The following TAMM41 variants were observed in gnomAD, a reference collection of about 807,000 sequenced individuals.
TAMM41 encodes the protein phosphatidate cytidylyltransferase, mitochondrial.
A neutral mutation model predicts 44.1 loss-of-function variants in TAMM41; 36 were observed. The observed-to-expected ratio is 0.82, with a 90% CI of 0.63 to 1.08. The LOEUF is 1.08. Among genes scored for constraint, TAMM41 ranks in the 50% least tolerant of loss-of-function variants. The pLI, the probability that TAMM41 is intolerant of heterozygous loss-of-function variation, is 0.00. For missense variants in TAMM41, 417 were observed against 404.3 expected (o/e 1.03, Z -0.27); for synonymous variants, 164 against 153.1 (o/e 1.07, Z -0.53).
In TAMM41 at chr3:11,846,861, G is replaced by C. The variant is rs1429553078; in HGVS notation, c.-225C>G. The C allele has an allele frequency of 7.1e-6, 4 of 564,064 alleles. No homozygotes were observed. The Admixed American group carries it at 1.2e-4, about 18-fold the overall frequency. 34.9% of individuals were successfully genotyped at this position (564,064 alleles called of 1,614,324 possible). A position where few individuals can be genotyped will look rare whatever the true frequency, so the allele number is the denominator to read the frequency against. On this transcript the variant is annotated 5_prime_UTR_variant, in exon 1 of 8. Coordinates refer to ENST00000455809, the MANE Select transcript of TAMM41 (RefSeq NM_001284401.2). ...CAGCCCAGATAGGCTCGGGTGGGCGGCGGTCGCACAGGCAGAGCTTCCGTC... is the reference window on the plus strand; with the variant it reads ...CAGCCCAGATAGGCTCGGGTGGGCGCCGGTCGCACAGGCAGAGCTTCCGTC...
At chr3:11,786,213 C>A (rs887987080), downstream of TAMM41, among the ~76,000 whole-genome samples, 2 of 151,548 alleles carry the variant, frequency 1.3e-5, no homozygotes, top group Non-Finnish European at 2.9e-5. Context: ...TTTTTGTTTG[C>A]CAGCCCTCCC....
At chr3:11,756,404 G>A in the TAMM41 span, among the ~76,000 whole-genome samples, 2 of 152,248 alleles carry the variant, frequency 1.3e-5, no homozygotes, top group Non-Finnish European at 2.9e-5. Flanking sequence ...CTCTGTGCCT[G>A]ACCTTCACGA....
the TAMM41 span, among the ~76,000 whole-genome samples, chr3:11,759,136 G>T: frequency 1.0e-3 from 155 of 152,144 alleles, no homozygotes; most frequent in African/African-American, 3.4e-3. Flanking sequence ...GGAGATTAAA[G>T]AATATAATGG....
the TAMM41 span, among the ~76,000 whole-genome samples, chr3:11,774,019 G>C: frequency 6.6e-6 from 1 of 152,138 alleles, no homozygotes; most frequent in Non-Finnish European, 1.5e-5. Flanking sequence ...AACCAGGAAG[G>C]AGAGGTTGCA....
At chr3:11,739,869 C>T in the TAMM41 span, among the ~76,000 whole-genome samples, 5 of 152,048 alleles carry the variant, frequency 3.3e-5, no homozygotes, top group East Asian at 3.9e-4. Flanking sequence ...CTTCCAACAA[C>T]GCAGTCTCAG....
At chr3:11,833,214 C>T (rs561713106) in intron 3 of TAMM41, 23 of 1,233,962 alleles carry the variant, frequency 1.9e-5, no homozygotes, top group East Asian at 6.0e-5. Context: ...GGGAATGCCC[C>T]GACCTGAACT....
downstream of TAMM41, chr3:11,790,335 T>C (rs1317762628): frequency 3.0e-6 from 2 of 662,776 alleles, no homozygotes; most frequent in African/African-American, 3.6e-5. Context: ...TCTAATATAT[T>C]TGGGTCCCAA....
At chr3:11,757,945 A>G in the TAMM41 span, among the ~76,000 whole-genome samples, 1 of 152,178 alleles carries the variant, frequency 6.6e-6, no homozygotes, top group African/African-American at 2.4e-5. Context: ...CACTGAAGAA[A>G]CCAAGTTGTA....
the TAMM41 span, among the ~76,000 whole-genome samples, chr3:11,773,163 G>A: frequency 6.6e-6 from 1 of 151,884 alleles, no homozygotes; most frequent in African/African-American, 2.4e-5. Flanking sequence ...CACCATATGG[G>A]ACAGGCTGGT....
chr3:11,766,977 C>G, the TAMM41 span, among the ~76,000 whole-genome samples: 1 of 152,184 alleles, frequency 6.6e-6, no homozygotes, highest in Non-Finnish European at 1.5e-5. Context: ...CCAGTTCCCC[C>G]CACTGGTAAC....
intron 7 of TAMM41, among the ~76,000 whole-genome samples, chr3:11,805,176 T>A (rs917844944): frequency 8.5e-5 from 13 of 152,082 alleles, no homozygotes; most frequent in African/African-American, 2.7e-4. Flanking sequence ...TAATTTTTTG[T>A]ATTTTAGTAG....
chr3:11,751,088 A>AC, the TAMM41 span, among the ~76,000 whole-genome samples: 1 of 114,488 alleles, frequency 8.7e-6, no homozygotes, highest in Non-Finnish European at 1.8e-5. Flanking sequence ...TACAGATGAT[A>AC]CTTTTTTTTT....
chr3:11,816,534 C>T (rs559800021), intron 5 of TAMM41, among the ~76,000 whole-genome samples: 11 of 152,168 alleles, frequency 7.2e-5, no homozygotes, highest in East Asian at 1.9e-4. Context: ...GACGCTGGGG[C>T]GGGCAGACTG....
the TAMM41 span, among the ~76,000 whole-genome samples, chr3:11,731,874 G>T: frequency 7.6e-6 from 1 of 131,252 alleles, no homozygotes; most frequent in Non-Finnish European, 1.6e-5. Flanking sequence ...ATCTAATTAG[G>T]GCATTTTTTT....
In TAMM41 at chr3:11,790,456, A is replaced by T. The variant is rs1026968854; in HGVS notation, c.*49T>A. The T allele has an allele frequency of 2.0e-6, 3 of 1,497,664 alleles. No individual in the cohort carries two copies. Among genetic ancestry groups the T allele is most frequent in the Middle Eastern group, 1.7e-4 (1 of 5,728 alleles). The allele number at this position is 1,497,664 out of a possible 1,614,324, so 92.8% of individuals were successfully genotyped here. On this transcript the variant is annotated 3_prime_UTR_variant, in exon 8 of 8. Transcript: ENST00000455809. ...AACAAACACTGTTCTGTCAAAAAGG[A>T]TCAAACACTTTATTCATCTACACAT...
the TAMM41 span, among the ~76,000 whole-genome samples, chr3:11,727,213 G>T: frequency 6.6e-6 from 1 of 152,116 alleles, no homozygotes; most frequent in South Asian, 2.1e-4. Flanking sequence ...CTTGTCCAAG[G>T]TCTTAAAGAC....
the TAMM41 span, among the ~76,000 whole-genome samples, chr3:11,773,917 C>T: frequency 2.0e-5 from 3 of 152,060 alleles, no homozygotes; most frequent in South Asian, 2.1e-4. Flanking sequence ...GGCGAAACCT[C>T]GTCTCTACTA....
chr3:11,787,771 C>T (rs954969813), downstream of TAMM41, among the ~76,000 whole-genome samples: 3 of 152,188 alleles, frequency 2.0e-5, no homozygotes, highest in South Asian at 2.1e-4. Flanking sequence ...GGTTAAGCAA[C>T]TTGACCAAGG....
intron 4 of TAMM41, among the ~76,000 whole-genome samples, chr3:11,828,833 G>A (rs2078866920): frequency 6.6e-6 from 1 of 152,202 alleles, no homozygotes; most frequent in South Asian, 2.1e-4. Flanking sequence ...TTACCTGTCT[G>A]TACTGGGATT....
Sources: gnomAD v4.1 joint callset for allele counts (sites outside exome capture counted in the v4.1 genomes callset) on GRCh38, gnomAD v4.1.1 for gene constraint, MANE v1.5 for transcripts, NCBI Gene and HGNC (gene_info 2026-07-23, HGNC 2026-07-21) for gene names.